CPE: variants seen among roughly 807,000 people sequenced by gnomAD.
CPE encodes the protein carbocypeptidase E.
A neutral mutation model predicts 53.5 loss-of-function variants in CPE; 17 were observed. The observed-to-expected ratio is 0.32, with a 90% CI of 0.22 to 0.48. The LOEUF is 0.48. Among genes scored for constraint, CPE ranks in the 20% least tolerant of loss-of-function variants. The pLI is 0.99. For missense variants in CPE, 524 were observed against 614.7 expected (o/e 0.85, Z 1.56); for synonymous variants, 226 against 228.8 (o/e 0.99, Z 0.11).
At chr4:165,496,855 T>G (rs886446770) in intron 8 of CPE, among the ~76,000 whole-genome samples, 2 of 152,180 alleles carry the variant, frequency 1.3e-5, no homozygotes, top group African/African-American at 4.8e-5. Flanking sequence ...TAGGAAAAGA[T>G]TCAAGGCTGA....
chr4:165,450,724 A>G (rs190143378), intron 1 of CPE, among the ~76,000 whole-genome samples: 65 of 152,302 alleles, frequency 4.3e-4, no homozygotes, highest in African/African-American at 1.5e-3. Context: ...CCTGTATCTA[A>G]CATCAGATTT....
chr4:165,461,236 C>G (rs1444785187), intron 1 of CPE, among the ~76,000 whole-genome samples: 1 of 141,320 alleles, frequency 7.1e-6, no homozygotes, highest in East Asian at 2.2e-4. Context: ...TGGACTTAGA[C>G]TAAAGCTACT....
intron 1 of CPE, among the ~76,000 whole-genome samples, chr4:165,417,087 A>G (rs765670455): frequency 4.6e-5 from 7 of 152,204 alleles, no homozygotes; most frequent in Non-Finnish European, 8.8e-5. Context: ...GGGGACAGAA[A>G]GAAAGAGCCA....
chr4:165,470,732 C>A (rs767956538), intron 3 of CPE, among the ~76,000 whole-genome samples: 2 of 152,152 alleles, frequency 1.3e-5, no homozygotes, highest in African/African-American at 4.8e-5. Flanking sequence ...CATTTCCCCC[C>A]TCAAGAATCC....
chr4:165,459,674 T>TGGGGGGGGGGGG (rs572743841), intron 1 of CPE, among the ~76,000 whole-genome samples: 1 of 56,686 alleles, frequency 1.8e-5, no homozygotes, highest in African/African-American at 7.1e-5. Flanking sequence ...GAGGGCTGGG[T>TGGGGGGGGGGGG]GGGGGGGGGC....
chr4:165,495,641 A>G lies in CPE; in HGVS notation c.1296A>G (p.Thr432=). 1 of 1,613,978 alleles carries G rather than the reference A, an allele frequency of 6.2e-7. No individual in the cohort carries two copies. Among genetic ancestry groups the G allele is most frequent in the Non-Finnish European group, 8.5e-7 (1 of 1,179,942 alleles). ...TASAPGYLAI[T]KKVAVPYSPA... ...CAGCTCCAGGCTATCTGGCAATAAC[A>G]AAGAAAGTGGCAGTTCCTTACAGCC... The change falls in exon 8 of 9, where the codon ACA becomes ACG. Residue 432 remains threonine, a synonymous_variant. Transcript: ENST00000402744.
chr4:165,455,953 A>G (rs1054841165), intron 1 of CPE, among the ~76,000 whole-genome samples: 12 of 152,274 alleles, frequency 7.9e-5, no homozygotes, highest in African/African-American at 2.6e-4. Context: ...ATGCCTGGCC[A>G]CAAGTCAAAG....
intron 1 of CPE, among the ~76,000 whole-genome samples, chr4:165,444,268 A>T (rs924116438): frequency 6.6e-6 from 1 of 152,200 alleles, no homozygotes; most frequent in Non-Finnish European, 1.5e-5. Flanking sequence ...ACAGATAGAC[A>T]TCTCACCAGT....
intron 1 of CPE, among the ~76,000 whole-genome samples, chr4:165,460,808 CCTA>C (rs1731985448): frequency 6.6e-6 from 1 of 151,992 alleles, no homozygotes; most frequent in Non-Finnish European, 1.5e-5. Context: ...AATGCAAATC[CCTA>C]CTATGTTCCA....
At chr4:165,481,194 G>A (rs1732406263) in intron 3 of CPE, among the ~76,000 whole-genome samples, 1 of 152,102 alleles carries the variant, frequency 6.6e-6, no homozygotes, top group South Asian at 2.1e-4. Context: ...GGGTTTCACT[G>A]ACTGGATGTG....
chr4:165,478,512 A>G (rs573612610), intron 3 of CPE, among the ~76,000 whole-genome samples: 6 of 152,176 alleles, frequency 3.9e-5, no homozygotes, highest in Non-Finnish European at 8.8e-5. Flanking sequence ...GTATCTTTCA[A>G]TTTGTTTCAA....
intron 1 of CPE, among the ~76,000 whole-genome samples, chr4:165,433,033 T>C (rs1439583149): frequency 1.3e-5 from 2 of 152,226 alleles, no homozygotes; most frequent in African/African-American, 2.4e-5. Flanking sequence ...ATTGGCTTTA[T>C]TGCAATTCTA....
chr4:165,469,323 T>A (rs1280515209), intron 3 of CPE, among the ~76,000 whole-genome samples: 1 of 152,170 alleles, frequency 6.6e-6, no homozygotes, highest in Admixed American at 6.5e-5. Flanking sequence ...ACATGTAGTG[T>A]CTTTCCTAAG....
chr4:165,443,990 G>A (rs1041823635), intron 1 of CPE, among the ~76,000 whole-genome samples: 9 of 152,102 alleles, frequency 5.9e-5, no homozygotes, highest in Admixed American at 3.9e-4. Flanking sequence ...AGCAAACGCC[G>A]GCTCTGCCAG....
intron 3 of CPE, among the ~76,000 whole-genome samples, chr4:165,477,580 C>A (rs1732326204): frequency 6.6e-6 from 1 of 152,168 alleles, no homozygotes; most frequent in African/African-American, 2.4e-5. Context: ...CCTCTTCCCT[C>A]TTCCCCTTCT....
chr4:165,388,077 C>A (rs566061019), intron 1 of CPE, among the ~76,000 whole-genome samples: 2 of 152,164 alleles, frequency 1.3e-5, no homozygotes, highest in Non-Finnish European at 2.9e-5. Flanking sequence ...CCTATACAGG[C>A]GAAAGTATTT....
At chr4:165,384,072 A>G (rs1039886682) in intron 1 of CPE, among the ~76,000 whole-genome samples, 8 of 152,190 alleles carry the variant, frequency 5.3e-5, no homozygotes, top group Non-Finnish European at 8.8e-5. Flanking sequence ...ATTTGCTAGT[A>G]ACTCCCTTAC....
At chr4:165,496,821 A>G (rs1269341389) in intron 8 of CPE, among the ~76,000 whole-genome samples, 1 of 152,218 alleles carries the variant, frequency 6.6e-6, no homozygotes, top group African/African-American at 2.4e-5. Flanking sequence ...GCTGAACTGT[A>G]TTCTTCCACA....
intron 4 of CPE, 105 bp from the exon 5 acceptor site, chr4:165,484,317 A>T: frequency 9.4e-7 from 1 of 1,060,958 alleles, no homozygotes; most frequent in Non-Finnish European, 1.3e-6. Context: ...TAGCTAAAAA[A>T]ATACATCAAC....
Sources: allele counts gnomAD v4.1 joint callset (sites outside exome capture counted in the v4.1 genomes callset), GRCh38; gene constraint gnomAD v4.1.1; transcripts MANE v1.5; gene names NCBI Gene and HGNC (gene_info 2026-07-23, HGNC 2026-07-21).